Variants in SORCS3 observed in about 807,000 individuals in gnomAD.
SORCS3 encodes the protein sortilin related VPS10 domain containing receptor 3.
A neutral mutation model predicts 146.3 loss-of-function variants in SORCS3; 57 were observed. That is an observed-to-expected ratio of 0.39 (90% CI 0.31 to 0.49). The LOEUF (loss-of-function observed/expected upper bound fraction) is 0.49. Ranked by LOEUF, SORCS3 falls within the 20% of genes least tolerant of loss-of-function variation. The pLI is 0.92. For synonymous variants in SORCS3, 653 were observed against 618.5 expected, an observed-to-expected ratio of 1.06 and a Z score of -0.83; for missense variants, 1,341 against 1,575.5, an observed-to-expected ratio of 0.85 and a Z score of 2.52.
intron 5 of SORCS3, among the ~76,000 whole-genome samples, chr10:105,075,052 C>G (rs1270758469): frequency 6.6e-6 from 1 of 152,178 alleles, no homozygotes; most frequent in African/African-American, 2.4e-5. Context: ...CACAAAACAT[C>G]CTCCCATCCT....
chr10:104,932,760 A>G (rs1298124887), intron 3 of SORCS3, among the ~76,000 whole-genome samples: 1 of 152,198 alleles, frequency 6.6e-6, no homozygotes, highest in East Asian at 1.9e-4. Flanking sequence ...TAGAGCGATC[A>G]TAGCTCACTG....
intron 1 of SORCS3, among the ~76,000 whole-genome samples, chr10:104,707,517 T>C (rs995604240): frequency 2.6e-5 from 4 of 152,110 alleles, no homozygotes; most frequent in Non-Finnish European, 4.4e-5. Context: ...ACTTTGGGGC[T>C]AGGGGGAATC....
intron 5 of SORCS3, among the ~76,000 whole-genome samples, chr10:105,074,109 A>G (rs180961688): frequency 6.6e-6 from 1 of 152,342 alleles, no homozygotes. Context: ...TAAATGATAT[A>G]AAGAAATAAG....
intron 14 of SORCS3, among the ~76,000 whole-genome samples, chr10:105,190,427 A>G (rs2056508973): frequency 1.3e-5 from 2 of 152,210 alleles, no homozygotes; most frequent in Admixed American, 6.5e-5. Flanking sequence ...TATTTTTGAG[A>G]CGGAGTCTCG....
intron 3 of SORCS3, among the ~76,000 whole-genome samples, chr10:104,921,881 A>G (rs2019090860): frequency 6.6e-6 from 1 of 152,108 alleles, no homozygotes; most frequent in Non-Finnish European, 1.5e-5. Context: ...TTTTCTGTTC[A>G]TTAGTGTTAG....
At chr10:105,139,306 A>T in intron 7 of SORCS3, 91 bp from the exon 8 acceptor site, 1 of 930,658 alleles carries the variant, frequency 1.1e-6, no homozygotes, top group Non-Finnish European at 1.8e-6. Flanking sequence ...TTACAAACCC[A>T]TTGTGGTTGT....
chr10:104,641,370 G>C lies in SORCS3; in HGVS notation c.43G>C (p.Ala15Pro). ...GGAGCGCCCCGCAGGCAGGCCGGGG[G>C]CGCCGCTTGTCCGGACGGGGCTCCT... Reference protein sequence around the residue: ...RTERPAGRPGAPLVRTGLLLL... With the variant: ...RTERPAGRPGPPLVRTGLLLL... Residue 15 changes from alanine to proline, a missense_variant, in exon 1 of 27, where the codon GCG (alanine) becomes CCG (proline). Transcript: ENST00000369701. This position sits in a 1 kb window ranked among gnomAD's most constrained non-coding sequence, Gnocchi z 6.4. 7.1e-7 allele frequency: 1 copy of C among 1,417,760 alleles called. No individual in the cohort carries two copies. The highest frequency in any genetic ancestry group is 1.5e-5 in the South Asian group (1 of 68,748). 87.8% of individuals were successfully genotyped at this position (1,417,760 alleles called of 1,614,324 possible). A position where few individuals can be genotyped will look rare whatever the true frequency, so the allele number is the denominator to read the frequency against.
At chr10:104,904,941 A>C (rs1267592089) in intron 2 of SORCS3, among the ~76,000 whole-genome samples, 1 of 152,166 alleles carries the variant, frequency 6.6e-6, no homozygotes, top group Non-Finnish European at 1.5e-5. Context: ...ACACTGCCTC[A>C]GATCTTGAAA....
intron 1 of SORCS3, among the ~76,000 whole-genome samples, chr10:104,770,839 A>G (rs972788430): frequency 3.3e-5 from 5 of 152,156 alleles, no homozygotes; most frequent in African/African-American, 1.2e-4. Context: ...TCTCAAAAAA[A>G]CAAAACAAAG....
At chr10:104,721,388 T>C (rs939605606) in intron 1 of SORCS3, among the ~76,000 whole-genome samples, 2 of 152,232 alleles carry the variant, frequency 1.3e-5, no homozygotes, top group East Asian at 1.9e-4. Flanking sequence ...AGCCTTGTAG[T>C]ATAGTTTGAA....
In SORCS3 at chr10:104,766,030, T is replaced by C. The variant is rs141187038; in HGVS notation, c.628-76762T>C. On this transcript the variant is annotated intron_variant, in intron 1 of 26. Transcript: ENST00000369701. ...AGAGGTTAGGGATTTGCTTTGTTTC[T>C]TGGGGGATTCCTTATCTTCTGGACT... 3.3e-5 allele frequency among the ~76,000 whole-genome samples: 5 copies of C among 152,360 alleles called. No individual in the cohort carries two copies. In the East Asian group the frequency reaches 9.6e-4, roughly 29 times the overall value.
At chr10:104,913,966 A>C (rs555086320) in intron 2 of SORCS3, among the ~76,000 whole-genome samples, 39 of 151,924 alleles carry the variant, frequency 2.6e-4, no homozygotes, top group Non-Finnish European at 4.3e-4. Flanking sequence ...ACGGGGTTTC[A>C]CCATCTTGGC....
chr10:104,782,126 G>C (rs139985466), intron 1 of SORCS3, among the ~76,000 whole-genome samples: 82 of 152,312 alleles, frequency 5.4e-4, no homozygotes, highest in Non-Finnish European at 1.0e-3. Context: ...TGTGTGCATG[G>C]ATCATTTGTA....
intron 1 of SORCS3, among the ~76,000 whole-genome samples, chr10:104,805,869 CT>C (rs2017674734): frequency 6.6e-6 from 1 of 152,168 alleles, no homozygotes; most frequent in Admixed American, 6.5e-5. Context: ...GCTTTCCCCT[CT>C]TTACTTATTC....
intron 2 of SORCS3, among the ~76,000 whole-genome samples, chr10:104,878,438 TTATTATAGAAGG>T (rs2018598274): frequency 1.3e-5 from 2 of 152,130 alleles, no homozygotes; most frequent in South Asian, 4.2e-4. Context: ...AGGGCTCACT[TTATTATAGAAGG>T]TACTTGATGT....
At chr10:105,128,050 T>C (rs2133770141) in intron 7 of SORCS3, among the ~76,000 whole-genome samples, 1 of 152,320 alleles carries the variant, frequency 6.6e-6, no homozygotes, top group Non-Finnish European at 1.5e-5. Flanking sequence ...ACCATGGAGC[T>C]GAATACCCGA....
At chr10:105,034,644 C>A (rs537811978) in intron 4 of SORCS3, among the ~76,000 whole-genome samples, 1 of 152,270 alleles carries the variant, frequency 6.6e-6, no homozygotes, top group East Asian at 1.9e-4. Flanking sequence ...GAGGAGGATA[C>A]TGACTTGGGA....
chr10:105,006,849 C>T (rs189068043), intron 4 of SORCS3, among the ~76,000 whole-genome samples: 4 of 152,302 alleles, frequency 2.6e-5, no homozygotes, highest in Admixed American at 2.6e-4. Context: ...AACAGGCACC[C>T]CTTATCCTGC....
At chr10:105,171,379 GC>G (rs1230207399) in intron 13 of SORCS3, among the ~76,000 whole-genome samples, 1 of 152,086 alleles carries the variant, frequency 6.6e-6, no homozygotes, top group African/African-American at 2.4e-5. Flanking sequence ...TAAACAATGG[GC>G]CCCCACTGAA....
Sources: gnomAD v4.1 joint callset for allele counts (sites outside exome capture counted in the v4.1 genomes callset) on GRCh38, gnomAD v4.1.1 for gene constraint, Gnocchi (gnomAD v3.1) non-coding constraint, MANE v1.5 for transcripts, NCBI Gene and HGNC (gene_info 2026-07-23, HGNC 2026-07-21) for gene names.